Variants in PRKG1 observed in about 807,000 individuals in gnomAD.
The protein encoded by PRKG1 is protein kinase cGMP-dependent 1.
A neutral mutation model predicts 88.1 loss-of-function variants in PRKG1; 35 were observed. That is an observed-to-expected ratio of 0.40 (90% CI 0.30 to 0.53). The LOEUF (loss-of-function observed/expected upper bound fraction) is 0.53, where lower values mean the gene tolerates loss of function less well. PRKG1 is among the 20% of genes least tolerant of loss of function. The pLI, the probability that PRKG1 is intolerant of heterozygous loss-of-function variation, is 0.59. For missense variants in PRKG1, 540 were observed against 839.8 expected, an observed-to-expected ratio of 0.64 and a Z score of 4.41; for synonymous variants, 303 against 292.5, an observed-to-expected ratio of 1.04 and a Z score of -0.37.
At chr10:52,265,002 GT>G (rs1261004959) in intron 10 of PRKG1, among the ~76,000 whole-genome samples, 1 of 151,978 alleles carries the variant, frequency 6.6e-6, no homozygotes, top group Non-Finnish European at 1.5e-5. Flanking sequence ...ATTGCCACAT[GT>G]TTTTTGGGCC....
intron 2 of PRKG1, among the ~76,000 whole-genome samples, chr10:51,407,056 A>C (rs1336331507): frequency 6.6e-6 from 1 of 152,150 alleles, no homozygotes; most frequent in African/African-American, 2.4e-5. Context: ...TGCCTGCTTT[A>C]TATTCGCTGG....
chr10:51,265,102 A>T (rs1350730390), intron 2 of PRKG1, among the ~76,000 whole-genome samples: 4 of 152,060 alleles, frequency 2.6e-5, no homozygotes, highest in South Asian at 2.1e-4. Flanking sequence ...TCTTTTTTTA[A>T]AAAAAAAGAA....
At chr10:51,281,905 C>G (rs979952318) in intron 2 of PRKG1, among the ~76,000 whole-genome samples, 7 of 152,178 alleles carry the variant, frequency 4.6e-5, no homozygotes, top group African/African-American at 1.7e-4. Context: ...TTTATAAGCA[C>G]TCTCTATCCC....
intron 5 of PRKG1, among the ~76,000 whole-genome samples, chr10:51,913,281 T>C (rs986064704): frequency 2.0e-5 from 3 of 152,176 alleles, no homozygotes; most frequent in Non-Finnish European, 4.4e-5. Context: ...CACGAGGATA[T>C]TGCATGATGC....
intron 1 of PRKG1, among the ~76,000 whole-genome samples, chr10:51,044,012 A>T (rs1443339959): frequency 6.6e-6 from 1 of 152,192 alleles, no homozygotes; most frequent in Non-Finnish European, 1.5e-5. Context: ...GATAACCCTA[A>T]GAAGAAAATA....
intron 2 of PRKG1, among the ~76,000 whole-genome samples, chr10:51,184,586 G>A (rs562654498): frequency 1.2e-4 from 19 of 152,202 alleles, no homozygotes; most frequent in African/African-American, 4.3e-4. Flanking sequence ...AATGGTTGTG[G>A]TGAAACTAAT....
At chr10:51,541,288 G>A (rs746954576) in intron 3 of PRKG1, among the ~76,000 whole-genome samples, 2 of 152,190 alleles carry the variant, frequency 1.3e-5, no homozygotes, top group East Asian at 3.9e-4. Flanking sequence ...ACAGGAGGCA[G>A]AGCTCAGGTG....
intron 7 of PRKG1, among the ~76,000 whole-genome samples, chr10:52,086,152 A>G (rs1846908017): frequency 6.6e-6 from 1 of 152,084 alleles, no homozygotes; most frequent in Non-Finnish European, 1.5e-5. Flanking sequence ...TGTCAAAATT[A>G]TTCCAAAAAA....
At chr10:51,326,097 T>C (rs961769039) in intron 2 of PRKG1, among the ~76,000 whole-genome samples, 1 of 152,214 alleles carries the variant, frequency 6.6e-6, no homozygotes, top group African/African-American at 2.4e-5. Context: ...TTAACCTAAG[T>C]CCTTTGGATT....
At chr10:52,284,116 G>A (rs1399739989) in intron 14 of PRKG1, among the ~76,000 whole-genome samples, 1 of 151,612 alleles carries the variant, frequency 6.6e-6, no homozygotes, top group Non-Finnish European at 1.5e-5. Flanking sequence ...AAATTGCACA[G>A]GTTACAATAT....
intron 4 of PRKG1, among the ~76,000 whole-genome samples, chr10:51,904,402 T>G (rs894998798): frequency 2.6e-5 from 4 of 152,110 alleles, no homozygotes; most frequent in African/African-American, 9.7e-5. Context: ...TTTTGATGTA[T>G]TGGAGGAAAC....
chr10:51,467,983 G>C, intron 3 of PRKG1, 147 bp downstream of exon 3: 1 of 680,414 alleles, frequency 1.5e-6, no homozygotes, highest in South Asian at 1.7e-5. Context: ...TGATGTATTT[G>C]TTTTCCTACT....
intron 3 of PRKG1, among the ~76,000 whole-genome samples, chr10:51,796,956 T>C (rs1402749990): frequency 6.6e-6 from 1 of 152,086 alleles, no homozygotes; most frequent in Non-Finnish European, 1.5e-5. Context: ...CTAATACAAC[T>C]ATCTTTGCTT....
intron 3 of PRKG1, among the ~76,000 whole-genome samples, chr10:51,615,265 TC>T (rs1839019382): frequency 6.6e-6 from 1 of 152,104 alleles, no homozygotes; most frequent in Non-Finnish European, 1.5e-5. Flanking sequence ...TTAGAATAAT[TC>T]CTTTGTCTTT....
Position 52,133,840 on chromosome 10 carries a change from G to A in PRKG1, c.936G>A (p.Gly312=). ...TTGAATGTCTCTATTTTTCACATAGGGAAGATGTGAGAACAGCAAACGTAA... is the reference window on the plus strand; with the variant it reads ...TTGAATGTCTCTATTTTTCACATAGAGAAGATGTGAGAACAGCAAACGTAA... ...GDWFGEKALQ[G]EDVRTANVIA... The change falls in exon 8 of 18, where the codon GGG becomes GGA. Residue 312 remains glycine, a splice_region_variant and synonymous_variant. Transcript: ENST00000373980. 1 of 1,611,364 alleles carries A rather than the reference G, an allele frequency of 6.2e-7. No individual in the cohort carries two copies. Among genetic ancestry groups the A allele is most frequent in the South Asian group, 1.1e-5 (1 of 90,932 alleles).
At chr10:51,306,317 T>C (rs1212136402) in intron 2 of PRKG1, among the ~76,000 whole-genome samples, 1 of 152,170 alleles carries the variant, frequency 6.6e-6, no homozygotes, top group African/African-American at 2.4e-5. Flanking sequence ...GAATGACAAG[T>C]TGCATATCAG....
intron 2 of PRKG1, among the ~76,000 whole-genome samples, chr10:51,351,158 T>C (rs1252412291): frequency 2.0e-5 from 3 of 152,224 alleles, no homozygotes; most frequent in Admixed American, 1.3e-4. Context: ...CAGTCTATCA[T>C]TGATGGGCAT....
chr10:51,329,428 CT>C (rs1001226296), intron 2 of PRKG1, among the ~76,000 whole-genome samples: 4 of 152,078 alleles, frequency 2.6e-5, no homozygotes, highest in African/African-American at 9.7e-5. Context: ...GTCTATGTGT[CT>C]GTTTTGTCAT....
chr10:52,264,521 T>C (rs557389306), intron 10 of PRKG1, among the ~76,000 whole-genome samples: 107 of 152,192 alleles, frequency 7.0e-4, no homozygotes, highest in Non-Finnish European at 1.3e-3. Context: ...TCATATACCT[T>C]GCCAAATTAT....
Sources: gnomAD v4.1 joint callset for allele counts (sites outside exome capture counted in the v4.1 genomes callset) on GRCh38, gnomAD v4.1.1 for gene constraint, MANE v1.5 for transcripts, NCBI Gene and HGNC (gene_info 2026-07-23, HGNC 2026-07-21) for gene names.